The following TTLL3 variants were observed in gnomAD, a reference collection of about 807,000 sequenced individuals.
TTLL3 encodes tubulin monoglycylase TTLL3.
In TTLL3, 63 loss-of-function variants were observed where a neutral mutation model predicts 75.2. That is an observed-to-expected ratio of 0.84 (90% CI 0.68 to 1.03). The LOEUF (loss-of-function observed/expected upper bound fraction) is 1.03. TTLL3 is among the 50% of genes least tolerant of loss of function. TTLL3 has a pLI of 0.00. For synonymous variants in TTLL3, 393 were observed against 418.5 expected, an observed-to-expected ratio of 0.94 and a Z score of 0.74; for missense variants, 997 against 1,069.9, an observed-to-expected ratio of 0.93 and a Z score of 0.95.
intron 7 of TTLL3, chr3:9,819,342 A>C: frequency 3.5e-5 from 8 of 227,476 alleles, no homozygotes; most frequent in East Asian, 1.5e-4. Context: ...CAGGCCATCC[A>C]CTCATCCATT....
chr3:9,830,405 C>G (rs907689538), intron 11 of TTLL3, among the ~76,000 whole-genome samples: 1 of 152,100 alleles, frequency 6.6e-6, no homozygotes, highest in Non-Finnish European at 1.5e-5. Flanking sequence ...GATTGCAAGG[C>G]TTTCTGAGTT....
At chr3:9,821,390 T>A (rs2080395907) in intron 8 of TTLL3, among the ~76,000 whole-genome samples, 1 of 152,232 alleles carries the variant, frequency 6.6e-6, no homozygotes, top group Non-Finnish European at 1.5e-5. Context: ...GCAACTCCGA[T>A]GTGCCAAGCA....
At chr3:9,825,441 C>G in intron 8 of TTLL3, 1 of 320,864 alleles carries the variant, frequency 3.1e-6, no homozygotes, top group Non-Finnish European at 6.2e-6. Context: ...GCCCTTGTCA[C>G]AATGCCTGGC....
chr3:9,834,561 G>T (rs2081917728), intron 12 of TTLL3, 120 bp from the exon 13 acceptor site: 4 of 1,476,028 alleles, frequency 2.7e-6, no homozygotes, highest in Non-Finnish European at 3.7e-6. Flanking sequence ...AACCGGGAGG[G>T]CTCCGTCGGC....
intron 8 of TTLL3, among the ~76,000 whole-genome samples, chr3:9,821,933 T>G (rs1311369496): frequency 2.7e-5 from 4 of 145,794 alleles, no homozygotes; most frequent in African/African-American, 1.0e-4. Context: ...AACCTGGGAG[T>G]CGGAGCTTGC....
At chr3:9,824,001 G>A (rs926115522) in intron 8 of TTLL3, among the ~76,000 whole-genome samples, 4 of 152,224 alleles carry the variant, frequency 2.6e-5, no homozygotes, top group African/African-American at 9.7e-5. Context: ...AGTACTTGCT[G>A]AGCCAACCGT....
chr3:9,810,080 G>T, upstream of TTLL3: 4 of 1,399,602 alleles, frequency 2.9e-6, no homozygotes, highest in Non-Finnish European at 3.7e-6. The surrounding 1 kb of genome is among the most constrained non-coding windows in gnomAD (Gnocchi z 4.4). Flanking sequence ...TCGGCCTCCT[G>T]GTACCGCCAG....
intron 5 of TTLL3, among the ~76,000 whole-genome samples, chr3:9,816,519 G>GTTTTT (rs1397485164): frequency 2.8e-5 from 1 of 36,150 alleles, no homozygotes; most frequent in Non-Finnish European, 7.2e-5. Flanking sequence ...TCTTACCTGG[G>GTTTTT]TTTCTTTTTT....
At chr3:9,810,056 C>T, upstream of TTLL3, 2 of 1,337,578 alleles carry the variant, frequency 1.5e-6, no homozygotes, top group Non-Finnish European at 9.5e-7. This position sits in a 1 kb window ranked among gnomAD's most constrained non-coding sequence, Gnocchi z 4.4. Context: ...GAGCTGGGGC[C>T]CGGGCGCCGG....
intron 8 of TTLL3, among the ~76,000 whole-genome samples, chr3:9,821,505 T>C (rs1217599523): frequency 6.6e-6 from 1 of 152,118 alleles, no homozygotes; most frequent in Non-Finnish European, 1.5e-5. Context: ...GAATCTCAGC[T>C]GGGGTGGTGG....
Position 9,829,763 on chromosome 3 carries a change from C to T in TTLL3, c.1683+368C>T, listed in dbSNP as rs193176606. ...TTCCTAACCCCTAGGTCTCCTTGTC[C>T]GTAAGAATAAAAATAGTACCTAACT... On this transcript the variant is annotated intron_variant, in intron 11 of 13. Coordinates refer to ENST00000685419, the MANE Select transcript of TTLL3 (RefSeq NM_001387446.1). Among the ~76,000 whole-genome samples, 16 of 152,076 alleles carry T rather than the reference C, an allele frequency of 1.1e-4. No individual in the cohort carries two copies. The East Asian group carries it at 2.7e-3, about 26-fold the overall frequency.
Position 9,810,505 on chromosome 3 carries a change from G to T in TTLL3, c.-42+111G>T. 6.8e-7 allele frequency: 1 copy of T among 1,460,952 alleles called. No individual in the cohort carries two copies. Among genetic ancestry groups the T allele is most frequent in the South Asian group, 1.4e-5 (1 of 69,928 alleles). The allele number at this position is 1,460,952 out of a possible 1,614,324, so 90.5% of individuals were successfully genotyped here. On this transcript the variant is annotated intron_variant, in intron 1 of 13. Transcript: ENST00000685419. The surrounding 1 kb of genome is among the most constrained non-coding windows in gnomAD (Gnocchi z 4.4). ...GAAGAGCGGCTGAGGGTGGGCATCT[G>T]GATGAAGGCAGGAGGAAGAAAAGAG... is the stretch of plus-strand genomic sequence containing the variant.
In TTLL3 at chr3:9,810,746, G is replaced by T; in HGVS notation, c.48+37G>T. 1.3e-6 allele frequency: 2 copies of T among 1,554,082 alleles called. No homozygotes were observed. Among genetic ancestry groups the T allele is most frequent in the Non-Finnish European group, 1.7e-6 (2 of 1,146,050 alleles). ...GGCAGGGGCGCTTAGAAAGGGCCCT[G>T]GGAGCGGCTCAGCCTGTCTCCCTGC... On this transcript the variant is annotated intron_variant, in intron 2 of 13. Transcript: ENST00000685419. The surrounding 1 kb of genome is among the most constrained non-coding windows in gnomAD (Gnocchi z 4.4).
At position 9,810,626 on chromosome 3, in the gene TTLL3, C is replaced by T. The variant is rs746883612; in HGVS notation, c.-36C>T. The stretch of plus-strand genomic sequence containing the variant: ...TATTCCGCATCTTTCTGCAGGTTTC[C>T]CGGTCCTCTGGCGAGGATCCTCCAA... On this transcript the variant is annotated 5_prime_UTR_variant, in exon 2 of 14. Coordinates refer to ENST00000685419, the MANE Select transcript of TTLL3 (RefSeq NM_001387446.1). The surrounding 1 kb of genome is among the most constrained non-coding windows in gnomAD (Gnocchi z 4.4). The T allele has an allele frequency of 1.9e-6, 3 of 1,565,958 alleles. No homozygotes were observed. Among genetic ancestry groups the T allele is most frequent in the Non-Finnish European group, 2.6e-6 (3 of 1,154,616 alleles).
chr3:9,833,387 CCACA>C, intron 12 of TTLL3, 142 bp downstream of exon 12: 3 of 1,330,674 alleles, frequency 2.3e-6, no homozygotes, highest in Non-Finnish European at 3.1e-6. Context: ...GCGAAAAGGG[CCACA>C]GCCCTGGTCT....
upstream of TTLL3, chr3:9,809,974 G>GGGCCCTGGGAGGGCGGGCGCGGGATCAGT (rs1559733235): frequency 7.7e-7 from 1 of 1,299,718 alleles, no homozygotes. Context: ...GCGGGATCAG[G>GGGCCCTGGGAGGGCGGGCGCGGGATCAGT]GGCCCTGGGA....
rs1330526923 is a variant in TTLL3, at chr3:9,820,492, C to T, written c.659-54C>T. ...TTAGGACAATGGGGGCTGTGGCATG[C>T]GTCAGGTTACCTGCCTTGATATGGG... On this transcript the variant is annotated intron_variant, in intron 7 of 13. Coordinates refer to ENST00000685419, the MANE Select transcript of TTLL3 (RefSeq NM_001387446.1). 2.5e-5 allele frequency: 40 copies of T among 1,600,150 alleles called. 1 individual carries two copies. Among genetic ancestry groups the T allele is most frequent in the Non-Finnish European group, 3.1e-5 (36 of 1,172,330 alleles).
In TTLL3 at chr3:9,812,929, C is replaced by T. The variant is rs1487060082; in HGVS notation, c.49-14C>T. On this transcript the variant is annotated splice_polypyrimidine_tract_variant and intron_variant, in intron 2 of 13. Transcript: ENST00000685419. Reference sequence around the variant, plus strand: ...CAATACTTATTGAAGAAGTATCCTTCTCTCACATTGCAGCAGAAGAAGATC... The same window carrying T: ...CAATACTTATTGAAGAAGTATCCTTTTCTCACATTGCAGCAGAAGAAGATC... 15 of 1,489,006 alleles carry T rather than the reference C, an allele frequency of 1.0e-5. No homozygotes were observed. Among genetic ancestry groups the T allele is most frequent in the Non-Finnish European group, 1.3e-5 (15 of 1,116,112 alleles). 92.2% of individuals were successfully genotyped at this position (1,489,006 alleles called of 1,614,324 possible). A position where few individuals can be genotyped will look rare whatever the true frequency, so the allele number is the denominator to read the frequency against.
chr3:9,834,364 G>T (rs2081889557), intron 12 of TTLL3: 2 of 561,216 alleles, frequency 3.6e-6, no homozygotes, highest in Non-Finnish European at 6.8e-6. Context: ...ACCGCTACCT[G>T]CCCAGCTCCT....
Sources: allele counts gnomAD v4.1 joint callset (sites outside exome capture counted in the v4.1 genomes callset), GRCh38; gene constraint gnomAD v4.1.1; non-coding constraint Gnocchi (gnomAD v3.1); transcripts MANE v1.5; gene names NCBI Gene and HGNC (gene_info 2026-07-23, HGNC 2026-07-21).